MRO: variants seen among roughly 807,000 people sequenced by gnomAD.
MRO encodes protein maestro.
Under a neutral mutation model 31.0 loss-of-function variants are expected in MRO, and 28 were observed. The observed-to-expected ratio is 0.90, with a 90% CI of 0.67 to 1.24. The LOEUF (loss-of-function observed/expected upper bound fraction) is 1.24. MRO is among the 50% of genes most tolerant of loss of function. The pLI is 0.00. For missense variants in MRO, 332 were observed against 289.2 expected, an observed-to-expected ratio of 1.15 and a Z score of -1.07; for synonymous variants, 108 against 108.4, an observed-to-expected ratio of 1.00 and a Z score of 0.02.
intron 5 of MRO, among the ~76,000 whole-genome samples, chr18:50,803,508 A>G (rs578086267): frequency 6.8e-6 from 1 of 147,784 alleles, no homozygotes; most frequent in East Asian, 1.9e-4. Context: ...CCCTGTCTCA[A>G]AAAAAAAAAA....
At chr18:50,819,449 A>G (rs1013578524) in intron 2 of MRO, 132 bp downstream of exon 2, 48 of 1,442,050 alleles carry the variant, frequency 3.3e-5, no homozygotes, top group Admixed American at 1.1e-4. Context: ...GAACATTACC[A>G]AATCCTACCC....
In MRO at chr18:50,809,366, G is replaced by C. The variant is rs376013817; in HGVS notation, c.35C>G (p.Pro12Arg). ...GGGCTGGGAAGTAGGGATGGAAAGG[G>C]GCTGGCCCAGGATTCTCCTCTGTCT... Reference protein sequence around the residue: ...DQRQRRILGQPLSIPTSQPKQ... With the variant: ...DQRQRRILGQRLSIPTSQPKQ... The change falls in exon 3 of 8, where the codon CCC becomes CGC. Residue 12 changes from proline to arginine, a missense_variant. Pro to Arg is a moderately radical substitution (Grantham distance 103). Transcript: ENST00000398439. 5.0e-6 allele frequency: 8 copies of C among 1,613,696 alleles called. No homozygotes were observed. The African/African-American group carries it at 8.0e-5, about 16-fold the overall frequency.
At chr18:50,799,452 A>G in intron 7 of MRO, 62 bp from the exon 8 acceptor site, 1 of 1,404,666 alleles carries the variant, frequency 7.1e-7, no homozygotes, top group South Asian at 1.2e-5. Flanking sequence ...TTGACAATGT[A>G]ACTAGTAGGC....
chr18:50,824,798 G>A (rs1406046637), upstream of MRO, among the ~76,000 whole-genome samples: 2 of 148,832 alleles, frequency 1.3e-5, no homozygotes, highest in Non-Finnish European at 3.0e-5. Context: ...AAAAAAGGCC[G>A]GCACAGTGGC....
rs2144631941 is a variant in MRO, at chr18:50,809,286, A to C, written c.99+16T>G. ...TGCTGGGAGGAGAAATTTGTTCATA[A>C]TATTTTGTGTCAGACCTTGGAAAAG... On this transcript the variant is annotated intron_variant, in intron 3 of 7. Coordinates refer to ENST00000398439, the MANE Select transcript of MRO (RefSeq NM_031939.6). 1 of 1,598,518 alleles carries C rather than the reference A, an allele frequency of 6.3e-7. No individual in the cohort carries two copies. The highest frequency in any genetic ancestry group is 1.1e-5 in the South Asian group (1 of 90,456).
intron 2 of MRO, chr18:50,815,769 C>T (rs1267429052): frequency 3.0e-5 from 12 of 398,628 alleles, no homozygotes; most frequent in South Asian, 2.3e-4. Context: ...CACGGTGGCT[C>T]ACACCTGTAA....
chr18:50,819,244 A>AG (rs2144678924), intron 2 of MRO, among the ~76,000 whole-genome samples: 1 of 152,302 alleles, frequency 6.6e-6, no homozygotes, highest in Non-Finnish European at 1.5e-5. Context: ...ATGTCCTGTG[A>AG]GCTGAACGAG....
intron 2 of MRO, among the ~76,000 whole-genome samples, chr18:50,818,128 G>T (rs17663355): frequency 0.13 from 19,861 of 151,944 alleles, 1,311 homozygotes; most frequent in Middle Eastern, 0.15. Flanking sequence ...AGAGAGGATC[G>T]TTTTAAACAC....
In MRO at chr18:50,811,947, G is replaced by C. The variant is rs965021579; in HGVS notation, c.-4-2543C>G. On this transcript the variant is annotated intron_variant, in intron 2 of 7. Transcript: ENST00000398439. ...AGTAGACACGGGGTTTCAGCATGTTGGCCAGGCTGGTCTTGAATTCCTGAC... is the reference window on the plus strand; with the variant it reads ...AGTAGACACGGGGTTTCAGCATGTTCGCCAGGCTGGTCTTGAATTCCTGAC... Among the ~76,000 whole-genome samples, 6 of 151,878 alleles carry C rather than the reference G, an allele frequency of 4.0e-5. No homozygotes were observed. The East Asian group carries it at 1.2e-3, about 29-fold the overall frequency.
At chr18:50,799,951 C>G (rs1271927183) in intron 7 of MRO, 85 bp downstream of exon 7, 12 of 938,750 alleles carry the variant, frequency 1.3e-5, no homozygotes, top group Non-Finnish European at 1.8e-5. Context: ...GGGGGTAACT[C>G]TTTCTTGTGC....
intron 5 of MRO, 49 bp downstream of exon 5, chr18:50,805,105 C>G: frequency 6.6e-7 from 1 of 1,517,302 alleles, no homozygotes; most frequent in South Asian, 1.1e-5. Context: ...AGTCATATTT[C>G]TAAGCCCATT....
chr18:50,820,006 A>T lies in MRO; in HGVS notation c.-236T>A. On this transcript the variant is annotated 5_prime_UTR_variant, in exon 1 of 8. Transcript: ENST00000398439. ...GACACTTTCTGCAGAAATTCTGCAG[A>T]TGGCAATTCTGGGGACCTTTCCTCT... 1 of 1,521,102 alleles carries T rather than the reference A, an allele frequency of 6.6e-7. No individual in the cohort carries two copies. Among genetic ancestry groups the T allele is most frequent in the Middle Eastern group, 2.0e-4 (1 of 5,032 alleles). 94.2% of individuals were successfully genotyped at this position (1,521,102 alleles called of 1,614,324 possible).
At chr18:50,824,467 T>TG (rs1915428579), upstream of MRO, among the ~76,000 whole-genome samples, 2 of 151,120 alleles carry the variant, frequency 1.3e-5, no homozygotes, top group African/African-American at 4.9e-5. Flanking sequence ...TTCTTTTTTT[T>TG]TTTTTGAGAC....
chr18:50,818,807 T>A (rs557559706), intron 2 of MRO, among the ~76,000 whole-genome samples: 9 of 152,226 alleles, frequency 5.9e-5, no homozygotes, highest in African/African-American at 2.2e-4. Context: ...AATCCCAGCA[T>A]TTTGGGAGGC....
chr18:50,806,668 T>A (rs773193788), intron 4 of MRO, 36 bp downstream of exon 4: 1 of 1,613,440 alleles, frequency 6.2e-7, no homozygotes, highest in Non-Finnish European at 8.5e-7. Flanking sequence ...TTGGAGAGGC[T>A]TGGGGAGCTG....
intron 2 of MRO, among the ~76,000 whole-genome samples, chr18:50,813,223 C>G (rs752991591): frequency 1.3e-5 from 2 of 152,168 alleles, no homozygotes; most frequent in African/African-American, 2.4e-5. Context: ...ACTCCCTCAC[C>G]GCCTAACTTC....
At chr18:50,819,026 T>A (rs1271165316) in intron 2 of MRO, among the ~76,000 whole-genome samples, 1 of 151,860 alleles carries the variant, frequency 6.6e-6, no homozygotes, top group African/African-American at 2.4e-5. Context: ...GCACCCCAGC[T>A]TGGGCAACAC....
chr18:50,822,118 T>C (rs1016619987), upstream of MRO, among the ~76,000 whole-genome samples: 2 of 152,230 alleles, frequency 1.3e-5, no homozygotes, highest in Admixed American at 6.5e-5. Context: ...AATTATTTAA[T>C]GTAAGGATTT....
chr18:50,807,766 A>G (rs966919533), intron 3 of MRO, among the ~76,000 whole-genome samples: 1 of 152,216 alleles, frequency 6.6e-6, no homozygotes, highest in African/African-American at 2.4e-5. Context: ...ATTGGGGAAC[A>G]CTGTGTGTCT....
Sources: gnomAD v4.1 joint callset for allele counts (sites outside exome capture counted in the v4.1 genomes callset) on GRCh38, gnomAD v4.1.1 for gene constraint, MANE v1.5 for transcripts, NCBI Gene and HGNC (gene_info 2026-07-23, HGNC 2026-07-21) for gene names.